HAPSTR1: variants seen among roughly 807,000 people sequenced by gnomAD.
HAPSTR1 encodes the protein HUWE1 associated protein modifying stress responses.
chr16:9,093,245 C>T, the HAPSTR1 span, among the ~76,000 whole-genome samples: 1 of 152,242 alleles, frequency 6.6e-6, no homozygotes, highest in Middle Eastern at 3.4e-3. Context: ...CTAGAAGGGG[C>T]TGTTGTTGGG....
the HAPSTR1 span, among the ~76,000 whole-genome samples, chr16:9,093,311 GC>G: frequency 6.6e-6 from 1 of 152,166 alleles, no homozygotes; most frequent in Non-Finnish European, 1.5e-5. Context: ...AACCGCCCCG[GC>G]CCCCTCTCAG....
the HAPSTR1 span, chr16:9,120,190 T>C: frequency 6.6e-6 from 1 of 152,236 alleles, no homozygotes; most frequent in Non-Finnish European, 1.5e-5. Flanking sequence ...ATTCTGGATT[T>C]GTGGAATAAA....
At chr16:9,105,897 T>C in the HAPSTR1 span, 1 of 152,180 alleles carries the variant, frequency 6.6e-6, no homozygotes, top group African/African-American at 2.4e-5. Flanking sequence ...GAGGACAGTT[T>C]TCCCTCAGTT....
chr16:9,092,956 G>C, the HAPSTR1 span: 1 of 1,610,660 alleles, frequency 6.2e-7, no homozygotes, highest in Non-Finnish European at 8.5e-7. Flanking sequence ...TTCTCTCTGG[G>C]TCCCCTTCCA....
the HAPSTR1 span, chr16:9,092,854 T>C: frequency 7.1e-7 from 1 of 1,411,652 alleles, no homozygotes. Flanking sequence ...CTTGTTCTCT[T>C]TCTTTCTCTT....
At chr16:9,100,115 C>T in the HAPSTR1 span, among the ~76,000 whole-genome samples, 1 of 152,330 alleles carries the variant, frequency 6.6e-6, no homozygotes, top group South Asian at 2.1e-4. Flanking sequence ...ACCTTCTAGT[C>T]TGTAAGGGTA....
chr16:9,097,698 C>T, the HAPSTR1 span, among the ~76,000 whole-genome samples: 1 of 152,208 alleles, frequency 6.6e-6, no homozygotes. Context: ...TCTGTTCTCC[C>T]CTGTGTGCAC....
the HAPSTR1 span, among the ~76,000 whole-genome samples, chr16:9,098,105 A>T: frequency 0.011 from 1,610 of 152,258 alleles, 29 homozygotes; most frequent in African/African-American, 0.037. Flanking sequence ...CTGAGGCGGA[A>T]GGATCATTTG....
At chr16:9,098,312 A>G in the HAPSTR1 span, among the ~76,000 whole-genome samples, 2 of 152,158 alleles carry the variant, frequency 1.3e-5, no homozygotes, top group African/African-American at 4.8e-5. Context: ...CAGCCTGGGC[A>G]GCAAGAGCGA....
the HAPSTR1 span, chr16:9,119,530 G>A: frequency 6.6e-6 from 1 of 152,306 alleles, no homozygotes; most frequent in Non-Finnish European, 1.5e-5. Context: ...AGACTGCAGC[G>A]TTCTGAGCAT....
At chr16:9,102,698 T>G in the HAPSTR1 span, among the ~76,000 whole-genome samples, 2 of 152,218 alleles carry the variant, frequency 1.3e-5, no homozygotes, top group Non-Finnish European at 2.9e-5. Context: ...TTATTTTAGG[T>G]AATTTCATTA....
the HAPSTR1 span, among the ~76,000 whole-genome samples, chr16:9,100,578 G>C: frequency 1.3e-5 from 2 of 151,970 alleles, no homozygotes; most frequent in African/African-American, 4.8e-5. Flanking sequence ...CTTTCGCCCA[G>C]GCTGGAGTGA....
At chr16:9,113,243 TTAGG>T in the HAPSTR1 span, 96 of 152,226 alleles carry the variant, frequency 6.3e-4, 1 homozygote, top group Admixed American at 1.3e-4. Context: ...TTGGGGAAGA[TTAGG>T]TAGGCAGACT....
chr16:9,097,723 A>ATCAG, the HAPSTR1 span, among the ~76,000 whole-genome samples: 3 of 152,206 alleles, frequency 2.0e-5, no homozygotes, highest in African/African-American at 7.2e-5. Flanking sequence ...ACACTTTGTT[A>ATCAG]TCAGGCTGGC....
chr16:9,100,615 C>T, the HAPSTR1 span, among the ~76,000 whole-genome samples: 1 of 152,138 alleles, frequency 6.6e-6, no homozygotes, highest in Admixed American at 6.6e-5. Flanking sequence ...CTCACTGCCA[C>T]CTCTGCTTCC....
chr16:9,119,645 A>G, the HAPSTR1 span: 3 of 152,258 alleles, frequency 2.0e-5, no homozygotes, highest in South Asian at 4.1e-4. Context: ...GGTTTACCCA[A>G]CTGGAGTAGT....
At chr16:9,117,260 CTTT>C in the HAPSTR1 span, 86 of 182,000 alleles carry the variant, frequency 4.7e-4, no homozygotes, top group South Asian at 7.8e-4. Flanking sequence ...TTATAGAATG[CTTT>C]TTTTTTTTTT....
the HAPSTR1 span, chr16:9,119,144 A>G: frequency 6.6e-6 from 1 of 152,552 alleles, no homozygotes; most frequent in Non-Finnish European, 1.5e-5. Flanking sequence ...ACCCAGTCGC[A>G]ACTTTTCCCT....
At chr16:9,091,724 G>A in the HAPSTR1 span, 57 of 399,792 alleles carry the variant, frequency 1.4e-4, no homozygotes, top group Non-Finnish European at 2.4e-4. Flanking sequence ...CGGCAGTGGG[G>A]AGGCCGCAGC....
Sources: allele counts gnomAD v4.1 joint callset (sites outside exome capture counted in the v4.1 genomes callset), GRCh38; gene constraint gnomAD v4.1.1; transcripts MANE v1.5; gene names NCBI Gene and HGNC (gene_info 2026-07-23, HGNC 2026-07-21).